The following IQCM variants were observed in gnomAD, a reference collection of about 807,000 sequenced individuals.
IQCM encodes the protein IQ motif containing M, also known as IQ domain-containing protein M.
Under a neutral mutation model 57.6 loss-of-function variants are expected in IQCM, and 45 were observed. The observed-to-expected ratio is 0.78, with a 90% CI of 0.62 to 1.00. The LOEUF (loss-of-function observed/expected upper bound fraction) is 1.00, where lower values mean the gene tolerates loss of function less well. IQCM is among the 50% of genes least tolerant of loss of function. IQCM has a pLI of 0.00. For synonymous variants in IQCM, 148 were observed against 158.9 expected (o/e 0.93, Z 0.51); for missense variants, 468 against 511.6 (o/e 0.91, Z 0.82).
chr4:149,533,339 T>G (rs538457571), intron 12 of IQCM, among the ~76,000 whole-genome samples: 1 of 152,100 alleles, frequency 6.6e-6, no homozygotes, highest in African/African-American at 2.4e-5. Flanking sequence ...AGAAAACATA[T>G]AAGAGAACTG....
intron 6 of IQCM, among the ~76,000 whole-genome samples, chr4:149,685,781 G>C (rs1395172466): frequency 6.6e-6 from 1 of 151,466 alleles, no homozygotes; most frequent in East Asian, 1.9e-4. Flanking sequence ...AGGGCTTAGA[G>C]GTTCTATCTA....
chr4:149,711,254 A>G (rs999705646), intron 5 of IQCM: 1 of 152,156 alleles, frequency 6.6e-6, no homozygotes, highest in African/African-American at 2.4e-5. Flanking sequence ...AGTCACTTCC[A>G]TACTCCCAAG....
At chr4:149,792,872 C>T (rs1772769538) in intron 2 of IQCM, among the ~76,000 whole-genome samples, 1 of 152,128 alleles carries the variant, frequency 6.6e-6, no homozygotes, top group Non-Finnish European at 1.5e-5. Flanking sequence ...TTCAGAGGAA[C>T]AAATGCTTTA....
intron 9 of IQCM, among the ~76,000 whole-genome samples, chr4:149,585,514 A>G (rs1470853035): frequency 6.6e-6 from 1 of 151,706 alleles, no homozygotes; most frequent in African/African-American, 2.4e-5. Flanking sequence ...TCACATATAT[A>G]CATATATATA....
At chr4:149,806,981 C>A (rs190220760) in intron 2 of IQCM, among the ~76,000 whole-genome samples, 8 of 151,406 alleles carry the variant, frequency 5.3e-5, no homozygotes, top group African/African-American at 1.9e-4. Flanking sequence ...AAAAGAAAAC[C>A]TACAAAACAC....
chr4:149,674,703 A>G (rs924137534), intron 7 of IQCM, among the ~76,000 whole-genome samples: 1 of 152,130 alleles, frequency 6.6e-6, no homozygotes, highest in Non-Finnish European at 1.5e-5. Context: ...GGAAATGCCT[A>G]TTAAAAATTA....
Position 149,427,596 on chromosome 4 carries a change from A to AT in IQCM, c.1390+5799dup, listed in dbSNP as rs532135392. On this transcript the variant is annotated intron_variant, in intron 13 of 13. Coordinates refer to ENST00000636793, the MANE Select transcript of IQCM (RefSeq NM_001363507.2). ...AAGACCTAATTCATCACCCTAATAC[A>AT]TTTTTTGTAACTTGAACATAGTCAA... 5.9e-5 allele frequency among the ~76,000 whole-genome samples: 9 copies of AT among 152,054 alleles called. No homozygotes were observed. The East Asian group carries it at 1.8e-3, about 30-fold the overall frequency.
chr4:149,516,630 A>G (rs1246622377), intron 12 of IQCM, among the ~76,000 whole-genome samples: 1 of 152,146 alleles, frequency 6.6e-6, no homozygotes, highest in Admixed American at 6.5e-5. Flanking sequence ...TGTTTCTCCC[A>G]TAGCCAGGAT....
chr4:149,363,964 G>A lies in IQCM; in HGVS notation c.1391-11898C>T, dbSNP rs1326889895. Among the ~76,000 whole-genome samples, 3 of 152,122 alleles carry A rather than the reference G, an allele frequency of 2.0e-5. No individual in the cohort carries two copies. The East Asian group carries it at 5.8e-4, about 29-fold the overall frequency. The stretch of plus-strand genomic sequence containing the variant: ...GCTTCTACTGGAATAGTATGACTTT[G>A]TTCAGAATCAATAGCATTCTTAGGA... On this transcript the variant is annotated intron_variant, in intron 13 of 13. Coordinates refer to ENST00000636793, the MANE Select transcript of IQCM (RefSeq NM_001363507.2).
chr4:149,436,374 T>C (rs746338594), intron 12 of IQCM, among the ~76,000 whole-genome samples: 2 of 152,064 alleles, frequency 1.3e-5, no homozygotes, highest in Admixed American at 6.6e-5. Flanking sequence ...TGAAGACTAA[T>C]AGAAACACAT....
At chr4:149,758,409 T>C (rs185616614) in intron 2 of IQCM, among the ~76,000 whole-genome samples, 1 of 152,102 alleles carries the variant, frequency 6.6e-6, no homozygotes, top group Non-Finnish European at 1.5e-5. Context: ...TCTAGATAAC[T>C]TGGTTTGGTG....
At position 149,553,801 on chromosome 4, in the gene IQCM, C is replaced by T. The variant is rs896072702; in HGVS notation, c.949-514G>A. Among the ~76,000 whole-genome samples, 3 of 152,026 alleles carry T rather than the reference C, an allele frequency of 2.0e-5. No homozygotes were observed. The South Asian group carries it at 6.2e-4, about 32-fold the overall frequency. ...TCTTTGAATATTCAAGAAATTAACCCTTTTCAGCGTATGTGCAAATTTTGT... is the reference window on the plus strand; with the variant it reads ...TCTTTGAATATTCAAGAAATTAACCTTTTTCAGCGTATGTGCAAATTTTGT... On this transcript the variant is annotated intron_variant, in intron 10 of 13. Coordinates refer to ENST00000636793, the MANE Select transcript of IQCM (RefSeq NM_001363507.2).
intron 5 of IQCM, among the ~76,000 whole-genome samples, chr4:149,694,911 C>A (rs1763228293): frequency 6.6e-6 from 1 of 152,088 alleles, no homozygotes; most frequent in African/African-American, 2.4e-5. Flanking sequence ...AAATGGTTTT[C>A]TCACCTTTCT....
intron 12 of IQCM, among the ~76,000 whole-genome samples, chr4:149,485,202 T>G (rs1741336647): frequency 6.6e-6 from 1 of 152,178 alleles, no homozygotes; most frequent in South Asian, 2.1e-4. Flanking sequence ...ATGGGTTAAA[T>G]CTGCTTGGTG....
At chr4:149,606,555 T>C (rs937893891) in intron 8 of IQCM, among the ~76,000 whole-genome samples, 3 of 152,110 alleles carry the variant, frequency 2.0e-5, no homozygotes, top group South Asian at 2.1e-4. Flanking sequence ...CCTCACCAAA[T>C]TGACAAAATA....
chr4:149,426,288 G>A (rs1013221680), intron 13 of IQCM, among the ~76,000 whole-genome samples: 1 of 151,918 alleles, frequency 6.6e-6, no homozygotes, highest in African/African-American at 2.4e-5. Context: ...CTGAACAAAA[G>A]TCTTATTCTA....
chr4:149,499,557 A>ATGAC (rs1365670150), intron 12 of IQCM, among the ~76,000 whole-genome samples: 1 of 152,176 alleles, frequency 6.6e-6, no homozygotes, highest in Non-Finnish European at 1.5e-5. Flanking sequence ...TTGGAGGCAG[A>ATGAC]TGACTAACAG....
At chr4:149,477,032 T>A (rs1306096382) in intron 12 of IQCM, among the ~76,000 whole-genome samples, 1 of 152,158 alleles carries the variant, frequency 6.6e-6, no homozygotes, top group Non-Finnish European at 1.5e-5. Flanking sequence ...TTATACGCCA[T>A]CAGCACTGTC....
At chr4:149,500,679 T>C (rs545540681) in intron 12 of IQCM, among the ~76,000 whole-genome samples, 1 of 152,316 alleles carries the variant, frequency 6.6e-6, no homozygotes, top group African/African-American at 2.4e-5. Flanking sequence ...GACAGGTTTT[T>C]AAGCAGATGG....
Sources: allele counts gnomAD v4.1 joint callset (sites outside exome capture counted in the v4.1 genomes callset), GRCh38; gene constraint gnomAD v4.1.1; transcripts MANE v1.5; gene names NCBI Gene and HGNC (gene_info 2026-07-23, HGNC 2026-07-21).